Variants in IDUA observed in about 807,000 individuals in gnomAD.
IDUA encodes iduronidase alpha-L-.
A neutral mutation model predicts 68.9 loss-of-function variants in IDUA; 65 were observed. The observed-to-expected ratio is 0.94, with a 90% CI of 0.77 to 1.16. IDUA has a LOEUF of 1.16. Ranked by LOEUF, IDUA falls within the 50% of genes most tolerant of loss-of-function variation. IDUA has a pLI of 0.00. For synonymous variants in IDUA, 529 were observed against 433.6 expected, an observed-to-expected ratio of 1.22 and a Z score of -2.73; for missense variants, 1,046 against 938.0, an observed-to-expected ratio of 1.12 and a Z score of -1.50.
At position 1,003,677 on chromosome 4, in the gene IDUA, G is replaced by T. The variant is rs776881961; in HGVS notation, c.1727+52G>T. On this transcript the variant is annotated intron_variant, in intron 12 of 13. Coordinates refer to ENST00000514224, the MANE Select transcript of IDUA (RefSeq NM_000203.5). The stretch of plus-strand genomic sequence containing the variant: ...CTGCCTGGTCCTAGGCAGGTCCCTG[G>T]GTCCCGACCCCTTCACCCATGCGGT... The T allele has an allele frequency of 8.8e-6, 14 of 1,597,028 alleles. 1 individual carries two copies. In the South Asian group the frequency reaches 1.4e-4, roughly 16 times the overall value.
At position 1,003,562 on chromosome 4, in the gene IDUA, G is replaced by A. The variant is rs776276938; in HGVS notation, c.1664G>A (p.Arg555His). 5.0e-6 allele frequency: 8 copies of A among 1,612,042 alleles called. No homozygotes were observed. Among genetic ancestry groups the A allele is most frequent in the Non-Finnish European group, 6.8e-6 (8 of 1,179,796 alleles). Residue 555 changes from arginine to histidine, a missense_variant, in exon 12 of 14, where the codon CGC (arginine) becomes CAC (histidine). Transcript: ENST00000514224. ...EKPPGQVTRL[R>H]ALPLTQGQLV... is the part of the protein sequence containing the mutation. ...TCCCTCCCCCAGGTCACGCGGCTCC[G>A]CGCCCTGCCCCTGACCCAAGGGCAG... is the stretch of plus-strand genomic sequence containing the variant.
intron 2 of IDUA, chr4:989,202 C>T: frequency 6.2e-7 from 1 of 1,608,490 alleles, no homozygotes; most frequent in Non-Finnish European, 8.5e-7. Flanking sequence ...CGACCCCCGT[C>T]TCTGAGCCCC....
At chr4:988,796 A>T in intron 2 of IDUA, 1 of 1,504,292 alleles carries the variant, frequency 6.6e-7, no homozygotes, top group South Asian at 1.3e-5. Context: ...GTGGGTCCCC[A>T]GGAGGGAGCA....
In IDUA at chr4:987,048, C is replaced by T; in HGVS notation, c.-37C>T. 1.3e-6 allele frequency: 2 copies of T among 1,510,298 alleles called. No homozygotes were observed. The highest frequency in any genetic ancestry group is 1.8e-6 in the Non-Finnish European group (2 of 1,136,588). 93.6% of individuals were successfully genotyped at this position (1,510,298 alleles called of 1,614,324 possible). Reference sequence around the variant, plus strand: ...CGACCCGGAGGCGGAACCGGCAGTGCAGCCCGAAGCCCCGCAGTCCCCGAG... The same window carrying T: ...CGACCCGGAGGCGGAACCGGCAGTGTAGCCCGAAGCCCCGCAGTCCCCGAG... On this transcript the variant is annotated 5_prime_UTR_variant, in exon 1 of 14. Coordinates refer to ENST00000514224, the MANE Select transcript of IDUA (RefSeq NM_000203.5).
intron 2 of IDUA, chr4:988,228 G>A: frequency 7.7e-7 from 1 of 1,306,624 alleles, no homozygotes; most frequent in Non-Finnish European, 9.8e-7. Context: ...ATCCCTGTGT[G>A]TGTCTGCTGG....
chr4:1,000,512 C>G, intron 2 of IDUA, 100 bp from the exon 3 acceptor site: 1 of 943,476 alleles, frequency 1.1e-6, no homozygotes, highest in Admixed American at 1.7e-5. Flanking sequence ...CTGTGTGGCA[C>G]CTTGCAGGCT....
At position 1,003,023 on chromosome 4, in the gene IDUA, T is replaced by G; in HGVS notation, c.1403-13T>G. 6.8e-7 allele frequency: 1 copy of G among 1,475,522 alleles called. No homozygotes were observed. Among genetic ancestry groups the G allele is most frequent in the East Asian group, 2.9e-5 (1 of 34,928 alleles). 91.4% of individuals were successfully genotyped at this position (1,475,522 alleles called of 1,614,324 possible). On this transcript the variant is annotated splice_polypyrimidine_tract_variant and intron_variant, in intron 9 of 13. Coordinates refer to ENST00000514224, the MANE Select transcript of IDUA (RefSeq NM_000203.5). ...GGCCCGGGGAGCCGAGGCCTGAGTG[T>G]CAGGCCCCGCAGGCCTGGTCTACGT... is the stretch of plus-strand genomic sequence containing the variant.
chr4:988,393 G>A (rs1346172974), intron 2 of IDUA: 3 of 1,060,574 alleles, frequency 2.8e-6, no homozygotes, highest in Non-Finnish European at 3.4e-6. Flanking sequence ...TGGAAACACA[G>A]AGACCCTCGT....
chr4:988,459 G>T, intron 2 of IDUA: 1 of 1,108,986 alleles, frequency 9.0e-7, no homozygotes. Flanking sequence ...GGCAGGCCTG[G>T]GCATAGGGAG....
chr4:1,003,107 C>A lies in IDUA; in HGVS notation c.1474C>A (p.Arg492=). The change falls in exon 10 of 14, where the codon CGG becomes AGG. Residue 492 remains arginine (R), a synonymous_variant. Transcript: ENST00000514224. ...CGACGGCGAGTGGCGGCGCCTGGGC[C>A]GGCCCGTCTTCCCCACGGCAGAGCA... ...SPDGEWRRLG[R]PVFPTAEQFR... 1 of 1,514,066 alleles carries A rather than the reference C, an allele frequency of 6.6e-7. No homozygotes were observed. The highest frequency in any genetic ancestry group is 2.0e-5 in the Admixed American group (1 of 49,196). The allele number at this position is 1,514,066 out of a possible 1,614,324, so 93.8% of individuals were successfully genotyped here. A position where few individuals can be genotyped will look rare whatever the true frequency, so the allele number is the denominator to read the frequency against.
At chr4:989,818 T>C (rs1279896143) in intron 2 of IDUA, 2 of 1,579,954 alleles carry the variant, frequency 1.3e-6, no homozygotes, top group African/African-American at 2.7e-5. Context: ...CAGCTCCTGG[T>C]TGGCACGCAC....
chr4:1,003,360 G>T lies in IDUA; in HGVS notation c.1540G>T (p.Ala514Ser). The T allele has an allele frequency of 6.9e-7, 1 of 1,458,784 alleles. No individual in the cohort carries two copies. The highest frequency in any genetic ancestry group is 2.6e-5 in the Admixed American group (1 of 37,748). 90.4% of individuals were successfully genotyped at this position (1,458,784 alleles called of 1,614,324 possible). ...CTGCGCCCAGGACCCGGTGGCCGCG[G>T]CGCCCCGCCCCTTACCCGCCGGCGG... ...MRAAEDPVAA[A>S]PRPLPAGGRL... is the part of the protein sequence containing the mutation. The change falls in exon 11 of 14, where the codon GCG (alanine) becomes TCG (serine). Residue 514 changes from alanine (A) to serine (S), a missense_variant. By Grantham distance (99) the Ala-to-Ser change is moderately conservative. Coordinates refer to ENST00000514224, the MANE Select transcript of IDUA (RefSeq NM_000203.5).
Position 1,002,720 on chromosome 4 carries a change from C to CT in IDUA, c.1190-12_1190-11insT, listed in dbSNP as rs1560548634. The stretch of plus-strand genomic sequence containing the variant: ...CGACCCCACGCGGCGACGGCCCCCC[C>CT]CCGCCCCGCAGATGAGGAGCAGCTC... On this transcript the variant is annotated splice_polypyrimidine_tract_variant and intron_variant, in intron 8 of 13. Coordinates refer to ENST00000514224, the MANE Select transcript of IDUA (RefSeq NM_000203.5). 6.9e-7 allele frequency: 1 copy of CT among 1,458,504 alleles called. No individual in the cohort carries two copies. Among genetic ancestry groups the CT allele is most frequent in the South Asian group, 1.3e-5 (1 of 77,472 alleles). The allele number at this position is 1,458,504 out of a possible 1,614,324, so 90.3% of individuals were successfully genotyped here. A position where few individuals can be genotyped will look rare whatever the true frequency, so the allele number is the denominator to read the frequency against.
chr4:1,002,460 G>T lies in IDUA; in HGVS notation c.1164G>T (p.Thr388=), dbSNP rs6836258. The T allele has an allele frequency of 3.9e-6, 6 of 1,550,928 alleles. No individual in the cohort carries two copies. In the East Asian group the frequency reaches 1.5e-4, roughly 38 times the overall value. The change falls in exon 8 of 14, where the codon ACG becomes ACT. Residue 388 remains threonine (T), a synonymous_variant. Transcript: ENST00000514224. ...AGCTGTTGCGCAAGCCGGTGCTCAC[G>T]GCCATGGGGCTGCTGGCGCTGCTGG... ...HVQLLRKPVL[T]AMGLLALLDE...
At chr4:987,284 G>A in intron 1 of IDUA, 42 bp downstream of exon 1, 1 of 1,499,332 alleles carries the variant, frequency 6.7e-7, no homozygotes, top group South Asian at 1.2e-5. Context: ...GCCGCACGGG[G>A]AGAGCTCGGG....
At position 990,149 on chromosome 4, in the gene IDUA, C is replaced by T. The variant is rs767213746; in HGVS notation, c.299+2200C>T. ...GCCAGGCACACCGTGCTGGTGACCA[C>T]GTCGCACACGTTGGCCTGCCCGGCG... On this transcript the variant is annotated intron_variant, in intron 2 of 13. Coordinates refer to ENST00000514224, the MANE Select transcript of IDUA (RefSeq NM_000203.5). 1.3e-5 allele frequency: 21 copies of T among 1,564,822 alleles called. No individual in the cohort carries two copies. Among genetic ancestry groups the T allele is most frequent in the African/African-American group, 5.4e-5 (4 of 73,918 alleles).
chr4:994,618 T>C (rs1263553753), intron 2 of IDUA, among the ~76,000 whole-genome samples: 3 of 151,950 alleles, frequency 2.0e-5, no homozygotes, highest in Non-Finnish European at 4.4e-5. Flanking sequence ...TTTGTATTTT[T>C]AGTAGAGACG....
chr4:988,432 C>T, intron 2 of IDUA: 1 of 1,079,716 alleles, frequency 9.3e-7, no homozygotes, highest in Middle Eastern at 4.2e-4. Flanking sequence ...TGGCTCCTAC[C>T]AGCAGGGTGG....
Position 1,004,455 on chromosome 4 carries a change from G to A in IDUA, c.*62G>A. The A allele has an allele frequency of 1.3e-6, 2 of 1,550,058 alleles. No individual in the cohort carries two copies. The highest frequency in any genetic ancestry group is 1.7e-5 in the Admixed American group (1 of 59,544). On this transcript the variant is annotated 3_prime_UTR_variant, in exon 14 of 14. Coordinates refer to ENST00000514224, the MANE Select transcript of IDUA (RefSeq NM_000203.5). This position sits in a 1 kb window ranked among gnomAD's most constrained non-coding sequence, Gnocchi z 5.0. ...GCAGTCAGCGAGCTGGGGCTGCACTGTGCCCATGCTGCCCTCCCATCACCC... is the reference window on the plus strand; with the variant it reads ...GCAGTCAGCGAGCTGGGGCTGCACTATGCCCATGCTGCCCTCCCATCACCC...
Sources: allele counts gnomAD v4.1 joint callset (sites outside exome capture counted in the v4.1 genomes callset), GRCh38; gene constraint gnomAD v4.1.1; non-coding constraint Gnocchi (gnomAD v3.1); transcripts MANE v1.5; gene names NCBI Gene and HGNC (gene_info 2026-07-23, HGNC 2026-07-21).